MAN2A1: variants seen among roughly 807,000 people sequenced by gnomAD.
The protein encoded by MAN2A1 is mannosidase alpha class 2A member 1, also known as alpha-mannosidase 2.
In MAN2A1, 76 loss-of-function variants were observed where a neutral mutation model predicts 142.6. The ratio of observed to expected loss-of-function variants is 0.53; its 90% CI spans 0.44 to 0.65. The LOEUF is 0.65. Among genes scored for constraint, MAN2A1 ranks in the 30% least tolerant of loss-of-function variants. The pLI is 0.00. For missense variants in MAN2A1, 1,311 were observed against 1,365.1 expected (o/e 0.96, Z 0.62); for synonymous variants, 559 against 473.2 (o/e 1.18, Z -2.35).
At chr5:109,766,167 T>C (rs2112644062) in intron 5 of MAN2A1, among the ~76,000 whole-genome samples, 1 of 152,288 alleles carries the variant, frequency 6.6e-6, no homozygotes, top group African/African-American at 2.4e-5. Context: ...ATATCTCCTG[T>C]TGTAATGCAA....
intron 4 of MAN2A1, among the ~76,000 whole-genome samples, chr5:109,744,839 T>G (rs1752357163): frequency 6.6e-6 from 1 of 152,162 alleles, no homozygotes; most frequent in Non-Finnish European, 1.5e-5. Context: ...TCCTAGTAAC[T>G]TCAAACTGCA....
chr5:109,863,803 G>C (rs1180132339), intron 20 of MAN2A1: 4 of 152,126 alleles, frequency 2.6e-5, no homozygotes. Context: ...AAATGAATTA[G>C]AAATTTTTAT....
chr5:109,770,748 A>G (rs961380183), intron 7 of MAN2A1, among the ~76,000 whole-genome samples: 1 of 152,114 alleles, frequency 6.6e-6, no homozygotes, highest in African/African-American at 2.4e-5. Flanking sequence ...AGTGAACAAT[A>G]CTAGATCAAT....
intron 8 of MAN2A1, among the ~76,000 whole-genome samples, chr5:109,775,624 GTCT>G (rs894989440): frequency 6.6e-6 from 1 of 151,846 alleles, no homozygotes; most frequent in African/African-American, 2.4e-5. Context: ...CCACACTGCT[GTCT>G]CACTCCTCCC....
intron 12 of MAN2A1, among the ~76,000 whole-genome samples, chr5:109,808,552 T>G (rs1191803338): frequency 1.3e-5 from 2 of 152,176 alleles, no homozygotes; most frequent in Non-Finnish European, 2.9e-5. Context: ...AGTATACTTT[T>G]AATTGTTAAT....
At chr5:109,727,948 G>T (rs1751791523) in intron 3 of MAN2A1, among the ~76,000 whole-genome samples, 1 of 151,806 alleles carries the variant, frequency 6.6e-6, no homozygotes, top group Admixed American at 6.6e-5. Flanking sequence ...AATAGACACA[G>T]TTTTTTTTAG....
intron 16 of MAN2A1, among the ~76,000 whole-genome samples, chr5:109,836,085 TTAATAATAACAATAATAATA>T (rs1755047640): frequency 6.6e-6 from 1 of 151,882 alleles, no homozygotes; most frequent in Non-Finnish European, 1.5e-5. Context: ...AGTTTTTCTT[TTAATAATAACAATAATAATA>T]ATTATTGTTA....
At chr5:109,716,084 T>C in intron 2 of MAN2A1, 36 bp from the exon 3 acceptor site, 1 of 1,441,424 alleles carries the variant, frequency 6.9e-7, no homozygotes. Context: ...AATTAATAAT[T>C]GTTAAACTTT....
In MAN2A1 at chr5:109,820,337, G is replaced by A. The variant is rs1315443046; in HGVS notation, c.2446G>A (p.Ala816Thr). The change falls in exon 15 of 22, where the codon GCC becomes ACC. Residue 816 changes from alanine (A) to threonine (T), a missense_variant. Transcript: ENST00000261483. ...GAYLFLPDGN[A>T]KPYVYTTPPF... ...CTACCTCTTCTTACCTGATGGTAAT[G>A]CCAAGGTAAGTGGTACTGATGAGAT... is the stretch of plus-strand genomic sequence containing the variant. 6.2e-7 allele frequency: 1 copy of A among 1,612,370 alleles called. No homozygotes were observed. The highest frequency in any genetic ancestry group is 1.3e-5 in the African/African-American group (1 of 74,940).
At position 109,754,131 on chromosome 5, in the gene MAN2A1, A is replaced by G. The variant is rs931520801; in HGVS notation, c.708-1198A>G. ...CTCCTTATGTTGCCCAGGCTGGTCT[A>G]GAATTCCTTACCTCAAGCAATCCTC... is the stretch of plus-strand genomic sequence containing the variant. On this transcript the variant is annotated intron_variant, in intron 4 of 21. Transcript: ENST00000261483. Among the ~76,000 whole-genome samples the G allele has an allele frequency of 2.0e-5, 3 of 151,992 alleles. No individual in the cohort carries two copies. In the East Asian group the frequency reaches 5.8e-4, roughly 29 times the overall value.
At chr5:109,755,893 A>G (rs1752676056) in intron 5 of MAN2A1, among the ~76,000 whole-genome samples, 1 of 152,068 alleles carries the variant, frequency 6.6e-6, no homozygotes, top group African/African-American at 2.4e-5. Context: ...TTGTCTGGGC[A>G]CTGTATCTTT....
Position 109,690,539 on chromosome 5 carries a change from G to T in MAN2A1, c.122G>T (p.Gly41Val), listed in dbSNP as rs758193130. ...LDYPRNPRRE[G>V]SFPQGQLSML... ...TACCCCAGGAACCCGCGCCGCGAGG[G>T]CTCCTTCCCTCAGGTAAGCACCTGG... is the stretch of plus-strand genomic sequence containing the variant. The change falls in exon 1 of 22, where the codon GGC becomes GTC. Residue 41 changes from glycine to valine, a missense_variant. Around this residue, in one of 3 missense-constraint regions of MAN2A1, gnomAD observed 409 missense variants for 412.7 expected, o/e 0.99. Coordinates refer to ENST00000261483, the MANE Select transcript of MAN2A1 (RefSeq NM_002372.4). 3.1e-6 allele frequency: 5 copies of T among 1,606,230 alleles called. No individual in the cohort carries two copies. The highest frequency in any genetic ancestry group is 3.4e-6 in the Non-Finnish European group (4 of 1,176,254).
intron 20 of MAN2A1, chr5:109,863,079 A>G (rs1025358780): frequency 6.6e-6 from 1 of 152,200 alleles, no homozygotes; most frequent in Non-Finnish European, 1.5e-5. Flanking sequence ...AATTTTAGCC[A>G]TGCATGCTAT....
At chr5:109,708,946 C>G (rs183859160) in intron 1 of MAN2A1, among the ~76,000 whole-genome samples, 6 of 152,224 alleles carry the variant, frequency 3.9e-5, no homozygotes, top group Non-Finnish European at 7.3e-5. Flanking sequence ...CACACACCGT[C>G]TCCTCTGGAA....
intron 8 of MAN2A1, among the ~76,000 whole-genome samples, chr5:109,778,105 G>A (rs1029888463): frequency 1.3e-5 from 2 of 151,862 alleles, no homozygotes; most frequent in Non-Finnish European, 2.9e-5. Context: ...AATTGAAGGG[G>A]ATTTTGAGTG....
At chr5:109,760,502 A>C (rs1314506355) in intron 5 of MAN2A1, among the ~76,000 whole-genome samples, 1 of 152,184 alleles carries the variant, frequency 6.6e-6, no homozygotes, top group Non-Finnish European at 1.5e-5. Context: ...TATACCCAGT[A>C]ATGGGATTGC....
intron 2 of MAN2A1, 70 bp from the exon 3 acceptor site, chr5:109,716,050 T>C (rs1751443149): frequency 1.8e-6 from 2 of 1,113,216 alleles, no homozygotes; most frequent in Non-Finnish European, 2.6e-6. Flanking sequence ...GTGAATAATT[T>C]TGAGCAAATA....
chr5:109,773,491 G>C (rs1454532478), intron 7 of MAN2A1, among the ~76,000 whole-genome samples: 1 of 151,826 alleles, frequency 6.6e-6, no homozygotes, highest in Non-Finnish European at 1.5e-5. Context: ...TTTCTATGTG[G>C]TCAATCTCAT....
intron 4 of MAN2A1, among the ~76,000 whole-genome samples, chr5:109,738,874 C>T (rs763868958): frequency 6.6e-6 from 1 of 151,822 alleles, no homozygotes; most frequent in Non-Finnish European, 1.5e-5. Flanking sequence ...AAACAGGGTC[C>T]CACTCTGTTC....
Sources: gnomAD v4.1 joint callset for allele counts (sites outside exome capture counted in the v4.1 genomes callset) on GRCh38, gnomAD v4.1.1 for gene constraint, gnomAD v4.1.1 regional missense constraint, MANE v1.5 for transcripts, NCBI Gene and HGNC (gene_info 2026-07-23, HGNC 2026-07-21) for gene names.